The following NRG3 variants were observed in gnomAD, a reference collection of about 807,000 sequenced individuals.
NRG3 encodes neuregulin 3.
Under a neutral mutation model 66.9 loss-of-function variants are expected in NRG3, and 31 were observed. The ratio of observed to expected loss-of-function variants is 0.46; its 90% CI spans 0.35 to 0.63. NRG3 has a LOEUF of 0.63. Ranked by LOEUF, NRG3 falls within the 20% of genes least tolerant of loss-of-function variation. The pLI, the probability that NRG3 is intolerant of heterozygous loss-of-function variation, is 0.00. For missense variants in NRG3, 910 were observed against 878.9 expected, an observed-to-expected ratio of 1.04 and a Z score of -0.45; for synonymous variants, 393 against 359.4, an observed-to-expected ratio of 1.09 and a Z score of -1.06.
chr10:82,220,194 G>GCA (rs2075872968), intron 1 of NRG3, among the ~76,000 whole-genome samples: 1 of 151,940 alleles, frequency 6.6e-6, no homozygotes, highest in African/African-American at 2.4e-5. Context: ...TACTGTGTGT[G>GCA]TGTGTGTGTG....
chr10:82,160,243 T>A (rs1163893205), intron 1 of NRG3, among the ~76,000 whole-genome samples: 2 of 151,984 alleles, frequency 1.3e-5, no homozygotes, highest in Admixed American at 1.3e-4. Flanking sequence ...ATGCACTTAT[T>A]CTGAAGTCCT....
intron 1 of NRG3, among the ~76,000 whole-genome samples, chr10:82,078,235 G>T (rs1472011053): frequency 6.6e-6 from 1 of 152,128 alleles, no homozygotes; most frequent in Non-Finnish European, 1.5e-5. Context: ...CATCCTAATA[G>T]GTGGTTTTCC....
chr10:82,521,454 C>A (rs1846170784), intron 2 of NRG3, among the ~76,000 whole-genome samples: 1 of 152,072 alleles, frequency 6.6e-6, no homozygotes, highest in Non-Finnish European at 1.5e-5. Context: ...CATTCTCCTG[C>A]CTCAGTCTCC....
At chr10:82,702,865 A>T (rs574982573) in intron 2 of NRG3, among the ~76,000 whole-genome samples, 1 of 152,278 alleles carries the variant, frequency 6.6e-6, no homozygotes, top group East Asian at 1.9e-4. Flanking sequence ...ACATGCTTTG[A>T]AAGTGCTGTA....
At chr10:81,911,613 T>G (rs1198328459) in intron 1 of NRG3, among the ~76,000 whole-genome samples, 5 of 139,416 alleles carry the variant, frequency 3.6e-5, no homozygotes, top group South Asian at 4.6e-4. Flanking sequence ...GTTTTTTTTT[T>G]TTTTTTTTTT....
At chr10:82,102,025 A>C (rs1377018127) in intron 1 of NRG3, among the ~76,000 whole-genome samples, 1 of 145,938 alleles carries the variant, frequency 6.9e-6, no homozygotes, top group Non-Finnish European at 1.5e-5. Flanking sequence ...ATATACGCAC[A>C]CATATATATG....
intron 1 of NRG3, among the ~76,000 whole-genome samples, chr10:82,160,168 T>C (rs1489515995): frequency 6.6e-6 from 1 of 151,976 alleles, no homozygotes; most frequent in Non-Finnish European, 1.5e-5. Context: ...CAATCCATTT[T>C]ACCTACCTAA....
intron 2 of NRG3, among the ~76,000 whole-genome samples, chr10:82,728,462 T>G (rs1009183385): frequency 3.7e-4 from 57 of 152,352 alleles, no homozygotes; most frequent in Admixed American, 1.6e-3. Flanking sequence ...AAGCTCTCTT[T>G]TTACCTGCTA....
intron 1 of NRG3, among the ~76,000 whole-genome samples, chr10:81,902,023 T>C (rs1451698728): frequency 2.0e-5 from 3 of 152,188 alleles, no homozygotes; most frequent in African/African-American, 4.8e-5. Context: ...AAGGTAACTT[T>C]CACGGATTTC....
At chr10:82,033,346 C>T (rs1185354348) in intron 1 of NRG3, among the ~76,000 whole-genome samples, 2 of 152,116 alleles carry the variant, frequency 1.3e-5, no homozygotes, top group African/African-American at 2.4e-5. Context: ...ATTGTTCCCT[C>T]TTTATTGGAT....
At chr10:82,526,615 T>C (rs1846728461) in intron 2 of NRG3, among the ~76,000 whole-genome samples, 1 of 151,972 alleles carries the variant, frequency 6.6e-6, no homozygotes, top group Non-Finnish European at 1.5e-5. Flanking sequence ...ACAAAAATTG[T>C]CTTTTAGCCA....
intron 2 of NRG3, among the ~76,000 whole-genome samples, chr10:82,536,009 TTCGCCAAATGGCA>T (rs1347138472): frequency 6.6e-6 from 1 of 151,970 alleles, no homozygotes; most frequent in Non-Finnish European, 1.5e-5. Context: ...AGCTGAGATA[TTCGCCAAATGGCA>T]TTATATCTGC....
chr10:82,024,092 T>C (rs1248344654), intron 1 of NRG3, among the ~76,000 whole-genome samples: 1 of 152,064 alleles, frequency 6.6e-6, no homozygotes, highest in Non-Finnish European at 1.5e-5. Context: ...GTTGTATGTG[T>C]GCAGGAATTT....
At chr10:82,505,362 G>A (rs886852518) in intron 2 of NRG3, among the ~76,000 whole-genome samples, 2 of 152,240 alleles carry the variant, frequency 1.3e-5, no homozygotes, top group African/African-American at 4.8e-5. Context: ...TGGTCATGTG[G>A]CATCCAGAGA....
At chr10:82,929,863 G>A (rs1386523709) in intron 4 of NRG3, among the ~76,000 whole-genome samples, 3 of 142,454 alleles carry the variant, frequency 2.1e-5, no homozygotes, top group Admixed American at 1.4e-4. Context: ...GAGACAGACC[G>A]AGACTCCATC....
chr10:82,154,839 C>A (rs976593819), intron 1 of NRG3, among the ~76,000 whole-genome samples: 1 of 151,390 alleles, frequency 6.6e-6, no homozygotes, highest in Non-Finnish European at 1.5e-5. Context: ...TTCTTAATTT[C>A]TTGTTTGTAT....
chr10:82,280,155 C>A (rs1380462577), intron 1 of NRG3, among the ~76,000 whole-genome samples: 4 of 150,504 alleles, frequency 2.7e-5, no homozygotes, highest in Non-Finnish European at 5.9e-5. Flanking sequence ...ACCTCTCTTC[C>A]CCCTATCCAA....
intron 1 of NRG3, among the ~76,000 whole-genome samples, chr10:82,255,242 C>G (rs1837676438): frequency 6.6e-6 from 1 of 152,158 alleles, no homozygotes; most frequent in Non-Finnish European, 1.5e-5. Flanking sequence ...AACCAGAACT[C>G]TTTAAAACCA....
chr10:81,998,942 A>T (rs75350197), intron 1 of NRG3, among the ~76,000 whole-genome samples: 3,830 of 152,024 alleles, frequency 0.025, 83 homozygotes, highest in Non-Finnish European at 0.035. Flanking sequence ...TCAGCCTCTC[A>T]AGTAGCTGGG....
Sources: gnomAD v4.1 joint callset for allele counts (sites outside exome capture counted in the v4.1 genomes callset) on GRCh38, gnomAD v4.1.1 for gene constraint, MANE v1.5 for transcripts, NCBI Gene and HGNC (gene_info 2026-07-23, HGNC 2026-07-21) for gene names.